Variants in DPYD observed in about 807,000 individuals in gnomAD.
DPYD encodes the protein dihydropyrimidine dehydrogenase.
Under a neutral mutation model 116.2 loss-of-function variants are expected in DPYD, and 109 were observed. That is an observed-to-expected ratio of 0.94 (90% CI 0.80 to 1.10). The LOEUF is 1.10. Among genes scored for constraint, DPYD ranks in the 50% least tolerant of loss-of-function variants. The pLI, the probability that DPYD is intolerant of heterozygous loss-of-function variation, is 0.00. For synonymous variants in DPYD, 440 were observed against 432.0 expected (o/e 1.02, Z -0.23); for missense variants, 1,302 against 1,254.5 (o/e 1.04, Z -0.57).
At chr1:97,894,083 CAGTT>C (rs1218697795) in intron 1 of DPYD, among the ~76,000 whole-genome samples, 5 of 151,718 alleles carry the variant, frequency 3.3e-5, no homozygotes, top group African/African-American at 1.2e-4. Flanking sequence ...TTATTTCTCA[CAGTT>C]AGAGAGGCTG....
intron 16 of DPYD, among the ~76,000 whole-genome samples, 183 bp downstream of exon 16, chr1:97,373,378 C>T (rs1338635588): frequency 6.6e-6 from 1 of 152,206 alleles, no homozygotes; most frequent in African/African-American, 2.4e-5. Context: ...TAAACAGTTG[C>T]TATAATTTCA....
intron 4 of DPYD, among the ~76,000 whole-genome samples, chr1:97,730,613 C>G (rs1663537930): frequency 6.6e-6 from 1 of 151,910 alleles, no homozygotes; most frequent in South Asian, 2.1e-4. Flanking sequence ...AATTAAATAA[C>G]ATGAATATAT....
chr1:97,526,512 A>T (rs948528140), intron 12 of DPYD, among the ~76,000 whole-genome samples: 4 of 152,158 alleles, frequency 2.6e-5, no homozygotes, highest in African/African-American at 7.2e-5. Context: ...TAGTATTTTT[A>T]AAAATATTTT....
intron 5 of DPYD, among the ~76,000 whole-genome samples, chr1:97,718,858 A>C (rs1308962055): frequency 6.6e-6 from 1 of 151,818 alleles, no homozygotes; most frequent in Non-Finnish European, 1.5e-5. Context: ...TAAATACACA[A>C]ATATTTTCAA....
intron 14 of DPYD, among the ~76,000 whole-genome samples, chr1:97,432,513 G>T (rs1425582002): frequency 6.6e-6 from 1 of 151,550 alleles, no homozygotes; most frequent in Non-Finnish European, 1.5e-5. Flanking sequence ...TCTCCCACTA[G>T]ATTTTTTTTT....
Position 97,495,783 on chromosome 1 carries a change from CT to C in DPYD, c.1740+19942del, listed in dbSNP as rs545999601. 3.0e-3 allele frequency among the ~76,000 whole-genome samples: 456 copies of C among 152,102 alleles called. 2 individuals are homozygous for C. The highest frequency in any genetic ancestry group is 5.4e-3 in the Non-Finnish European group (369 of 67,962). On this transcript the variant is annotated intron_variant, in intron 13 of 22. Transcript: ENST00000370192. ...TTTAACATCCTGTTCTGTTATTTAA[CT>C]TTTCCCCTTTCTATGTTAGTTTTAG...
At chr1:97,316,567 T>C (rs531119712) in intron 16 of DPYD, among the ~76,000 whole-genome samples, 54 of 111,220 alleles carry the variant, frequency 4.9e-4, no homozygotes, top group Admixed American at 1.3e-3. Flanking sequence ...AAAATATCAT[T>C]CATTGAGAGG....
chr1:97,449,429 G>A (rs183040343), intron 14 of DPYD, among the ~76,000 whole-genome samples: 1 of 152,036 alleles, frequency 6.6e-6, no homozygotes, highest in Non-Finnish European at 1.5e-5. Context: ...AAAATAGGAA[G>A]TGGGAGAGGG....
chr1:97,173,219 T>C (rs1262960072), intron 20 of DPYD, among the ~76,000 whole-genome samples: 4 of 120,690 alleles, frequency 3.3e-5, no homozygotes, highest in East Asian at 2.6e-4. Context: ...TATACACATA[T>C]ACGTACATAT....
intron 2 of DPYD, among the ~76,000 whole-genome samples, chr1:97,874,178 A>G (rs1671792253): frequency 6.6e-6 from 1 of 151,914 alleles, no homozygotes; most frequent in Admixed American, 6.6e-5. Context: ...TCACACAGCT[A>G]AATCCTTTGT....
chr1:97,816,932 T>A (rs1191732286), intron 3 of DPYD, among the ~76,000 whole-genome samples: 1 of 152,206 alleles, frequency 6.6e-6, no homozygotes, highest in African/African-American at 2.4e-5. Context: ...TTTGTATTAA[T>A]CTATCAGAGA....
At chr1:97,370,426 G>T (rs992555385) in intron 16 of DPYD, among the ~76,000 whole-genome samples, 1 of 152,084 alleles carries the variant, frequency 6.6e-6, no homozygotes, top group Non-Finnish European at 1.5e-5. Context: ...GGGGGTTGGG[G>T]GGTCAGAGGG....
intron 18 of DPYD, among the ~76,000 whole-genome samples, chr1:97,279,118 T>G (rs1212035437): frequency 6.6e-6 from 1 of 152,104 alleles, no homozygotes; most frequent in Non-Finnish European, 1.5e-5. Context: ...ACCCAGGTAG[T>G]GAGCATAGTG....
chr1:97,572,207 T>A (rs1652950038), intron 11 of DPYD, among the ~76,000 whole-genome samples: 1 of 151,954 alleles, frequency 6.6e-6, no homozygotes, highest in Non-Finnish European at 1.5e-5. Flanking sequence ...AATGCATAAA[T>A]TCTGAAATGA....
At chr1:97,210,668 G>T (rs1282246687) in intron 19 of DPYD, among the ~76,000 whole-genome samples, 5 of 152,198 alleles carry the variant, frequency 3.3e-5, no homozygotes, top group Admixed American at 1.3e-4. Flanking sequence ...GCATTTTCAG[G>T]CTTGAGACAT....
chr1:97,399,102 C>G (rs368005772), intron 14 of DPYD, among the ~76,000 whole-genome samples: 2 of 149,944 alleles, frequency 1.3e-5, no homozygotes, highest in Non-Finnish European at 1.5e-5. Flanking sequence ...AGTCTTTAAT[C>G]GGTCTTGAAT....
chr1:97,449,925 C>T, intron 14 of DPYD, 134 bp downstream of exon 14: 2 of 1,123,290 alleles, frequency 1.8e-6, no homozygotes, highest in Non-Finnish European at 1.3e-6. Context: ...TCTTTCTATG[C>T]ATCAGCAAAG....
At chr1:97,686,936 C>T (rs1050752987) in intron 7 of DPYD, among the ~76,000 whole-genome samples, 5 of 152,002 alleles carry the variant, frequency 3.3e-5, no homozygotes, top group African/African-American at 1.2e-4. Flanking sequence ...CTACAAGGAA[C>T]TTAAACAAAT....
chr1:97,420,181 C>T (rs961682013), intron 14 of DPYD: 1 of 152,102 alleles, frequency 6.6e-6, no homozygotes, highest in Non-Finnish European at 1.5e-5. Context: ...GAGGCCTCCC[C>T]CTCCTCAGTC....
Sources: gnomAD v4.1 joint callset for allele counts (sites outside exome capture counted in the v4.1 genomes callset) on GRCh38, gnomAD v4.1.1 for gene constraint, MANE v1.5 for transcripts, NCBI Gene and HGNC (gene_info 2026-07-23, HGNC 2026-07-21) for gene names.